The following NTAQ1 variants were observed in gnomAD, a reference collection of about 807,000 sequenced individuals.
NTAQ1 encodes the protein N-terminal glutamine amidase 1, also known as protein N-terminal glutamine amidohydrolase.
Under a neutral mutation model 28.2 loss-of-function variants are expected in NTAQ1, and 21 were observed. That is an observed-to-expected ratio of 0.74 (90% CI 0.53 to 1.07). The LOEUF is 1.07. Among genes scored for constraint, NTAQ1 ranks in the 50% least tolerant of loss-of-function variants. The pLI, the probability that NTAQ1 is intolerant of heterozygous loss-of-function variation, is 0.00. For synonymous variants in NTAQ1, 105 were observed against 90.0 expected (o/e 1.17, Z -0.94); for missense variants, 264 against 256.6 (o/e 1.03, Z -0.20).
intron 1 of NTAQ1, among the ~76,000 whole-genome samples, chr8:123,424,267 A>G (rs1054244205): frequency 6.6e-6 from 1 of 150,546 alleles, no homozygotes; most frequent in Non-Finnish European, 1.5e-5. Flanking sequence ...TTTTAAGACG[A>G]AGTCTTGCAC....
chr8:123,463,433 C>T (rs1400089219), intron 6 of NTAQ1, among the ~76,000 whole-genome samples: 4 of 151,948 alleles, frequency 2.6e-5, no homozygotes, highest in African/African-American at 9.7e-5. Flanking sequence ...TACTTTTTAC[C>T]GTCTATTGAA....
At chr8:123,430,854 TC>T (rs1814351996) in intron 3 of NTAQ1, among the ~76,000 whole-genome samples, 1 of 152,202 alleles carries the variant, frequency 6.6e-6, no homozygotes, top group South Asian at 2.1e-4. Context: ...CTTGATGAAC[TC>T]CTAGGTGAAC....
intron 1 of NTAQ1, among the ~76,000 whole-genome samples, chr8:123,425,495 C>T (rs551615735): frequency 1.3e-5 from 2 of 150,534 alleles, no homozygotes; most frequent in African/African-American, 2.4e-5. Flanking sequence ...TAACCACAAC[C>T]ATCACTTTTC....
intron 5 of NTAQ1, among the ~76,000 whole-genome samples, chr8:123,440,347 G>T (rs1814981397): frequency 6.6e-6 from 1 of 150,706 alleles, no homozygotes; most frequent in Admixed American, 6.6e-5. Flanking sequence ...GTAGAGACGG[G>T]GTTTCACCAC....
chr8:123,416,775 C>T lies in NTAQ1; in HGVS notation c.-75C>T. 1 of 1,425,894 alleles carries T rather than the reference C, an allele frequency of 7.0e-7. No homozygotes were observed. The highest frequency in any genetic ancestry group is 9.3e-7 in the Non-Finnish European group (1 of 1,079,396). 88.3% of individuals were successfully genotyped at this position (1,425,894 alleles called of 1,614,324 possible). ...CCACGCCGGGAACCCACGCGGGCCACTACAAGCCCGCCCTTTCCTACGTCT... is the reference window on the plus strand; with the variant it reads ...CCACGCCGGGAACCCACGCGGGCCATTACAAGCCCGCCCTTTCCTACGTCT... On this transcript the variant is annotated 5_prime_UTR_variant, in exon 1 of 6. Coordinates refer to ENST00000287387, the MANE Select transcript of NTAQ1 (RefSeq NM_018024.3).
intron 2 of NTAQ1, 78 bp downstream of exon 2, chr8:123,428,101 T>A: frequency 3.1e-5 from 20 of 642,422 alleles, no homozygotes; most frequent in Non-Finnish European, 4.2e-5. Context: ...AAAAAAAAGC[T>A]AAATATAGCA....
intron 3 of NTAQ1, 160 bp downstream of exon 3, chr8:123,430,193 T>TCTAAGATGTTATTTGATCTA: frequency 2.1e-6 from 1 of 468,178 alleles, no homozygotes; most frequent in Middle Eastern, 3.0e-4. Flanking sequence ...TGATCTAAGG[T>TCTAAGATGTTATTTGATCTA]AGAAACACTG....
intron 1 of NTAQ1, among the ~76,000 whole-genome samples, chr8:123,419,739 C>CCCCCCCCCCCCT (rs1813550951): frequency 2.1e-5 from 2 of 97,108 alleles, no homozygotes; most frequent in African/African-American, 3.7e-5. Flanking sequence ...CACAGCCCTC[C>CCCCCCCCCCCCT]CTCCCTCCCT....
chr8:123,474,087 T>G (rs1300380119), downstream of NTAQ1, among the ~76,000 whole-genome samples: 1 of 152,188 alleles, frequency 6.6e-6, no homozygotes, highest in African/African-American at 2.4e-5. Flanking sequence ...GTCACCCAGC[T>G]TCCCCTACTG....
intron 1 of NTAQ1, among the ~76,000 whole-genome samples, chr8:123,418,926 C>A (rs1022307431): frequency 3.3e-5 from 5 of 152,118 alleles, no homozygotes; most frequent in African/African-American, 1.2e-4. Flanking sequence ...AGCACCCTAG[C>A]CCTAGTTATG....
exon 7 of NTAQ1, among the ~76,000 whole-genome samples, chr8:123,467,852 C>T (rs189709668): frequency 1.2e-4 from 19 of 152,298 alleles, no homozygotes; most frequent in Non-Finnish European, 2.1e-4. Context: ...CGGGTTCAAG[C>T]GATTCTCCTG....
chr8:123,445,966 T>C (rs897867975), downstream of NTAQ1, among the ~76,000 whole-genome samples: 37 of 135,360 alleles, frequency 2.7e-4, no homozygotes, highest in African/African-American at 9.4e-4. Context: ...TCTCTTTTCT[T>C]TCCTTTTCCT....
At chr8:123,470,271 C>T (rs1260544972), downstream of NTAQ1, among the ~76,000 whole-genome samples, 1 of 152,180 alleles carries the variant, frequency 6.6e-6, no homozygotes, top group African/African-American at 2.4e-5. Flanking sequence ...CCGAAACAGA[C>T]TAATACAAGG....
chr8:123,436,683 A>G (rs967298412), intron 4 of NTAQ1, 82 bp downstream of exon 4: 22 of 1,474,162 alleles, frequency 1.5e-5, no homozygotes, highest in South Asian at 2.6e-5. Context: ...TTTTTTGACA[A>G]TTGTTTTGTA....
At chr8:123,468,113 G>A (rs1357939772) in exon 7 of NTAQ1, among the ~76,000 whole-genome samples, 2 of 152,192 alleles carry the variant, frequency 1.3e-5, no homozygotes, top group African/African-American at 2.4e-5. Flanking sequence ...GTTGGGAAAG[G>A]GCCTCAGGAG....
intron 1 of NTAQ1, among the ~76,000 whole-genome samples, chr8:123,421,862 G>T (rs1427580888): frequency 6.9e-6 from 1 of 144,284 alleles, no homozygotes; most frequent in Non-Finnish European, 1.6e-5. Context: ...CTAATTTTTT[G>T]TATTTTTTTT....
In NTAQ1 at chr8:123,436,566, T is replaced by C; in HGVS notation, c.348T>C (p.Phe116=). 6.2e-7 allele frequency: 1 copy of C among 1,614,016 alleles called. No individual in the cohort carries two copies. Among genetic ancestry groups the C allele is most frequent in the South Asian group, 1.1e-5 (1 of 91,066 alleles). ...CLFDTYVEDA[F]KSDDDIHPQF... ...TTGACACTTATGTAGAAGATGCCTT[T>C]AAGTCTGATGATGACATTCACCCAC... Residue 116 remains phenylalanine (F), a synonymous_variant, in exon 4 of 6, where the codon TTT becomes TTC. Transcript: ENST00000287387.
rs775273513 is a variant in NTAQ1 at position 123,441,312 on chromosome 8, A to G, written c.515A>G (p.Lys172Arg). Reference sequence around the variant, plus strand: ...TTTTCATATATTTTTTTAGATTCCAAAATGAACCTGAACGATTTCATCAGT... The same window carrying G: ...TTTTCATATATTTTTTTAGATTCCAGAATGAACCTGAACGATTTCATCAGT... ...PYPCIETGDS[K>R]MNLNDFISMD... Residue 172 changes from lysine to arginine, a missense_variant, in exon 6 of 6, where the codon AAA becomes AGA. By Grantham distance (26) the Lys-to-Arg change is conservative (BLOSUM62 2). Transcript: ENST00000287387. 52 of 1,604,288 alleles carry G rather than the reference A, an allele frequency of 3.2e-5. No individual in the cohort carries two copies. In the Middle Eastern group the frequency reaches 6.6e-4, roughly 20 times the overall value.
chr8:123,459,622 G>C (rs181749115), intron 6 of NTAQ1, among the ~76,000 whole-genome samples: 2 of 152,110 alleles, frequency 1.3e-5, no homozygotes, highest in African/African-American at 4.8e-5. Context: ...GGAACTCTAA[G>C]TCAGGTGTTC....
Sources: allele counts gnomAD v4.1 joint callset (sites outside exome capture counted in the v4.1 genomes callset), GRCh38; gene constraint gnomAD v4.1.1; transcripts MANE v1.5; gene names NCBI Gene and HGNC (gene_info 2026-07-23, HGNC 2026-07-21).